The following MGAM variants were observed in gnomAD, a reference collection of about 807,000 sequenced individuals.
MGAM encodes the protein alpha-1,4-glucosidase.
Under a neutral mutation model 358.8 loss-of-function variants are expected in MGAM, and 253 were observed. That is an observed-to-expected ratio of 0.71 (90% CI 0.64 to 0.78). The LOEUF (loss-of-function observed/expected upper bound fraction) is 0.78, where lower values mean the gene tolerates loss of function less well. Among genes scored for constraint, MGAM ranks in the 30% least tolerant of loss-of-function variants. The pLI is 0.00. For missense variants in MGAM, 3,080 were observed against 3,432.6 expected, an observed-to-expected ratio of 0.90 and a Z score of 2.57; for synonymous variants, 1,105 against 1,227.1, an observed-to-expected ratio of 0.90 and a Z score of 2.08.
At chr7:142,092,228 A>G (rs1228719464) in intron 58 of MGAM, among the ~76,000 whole-genome samples, 181 bp downstream of exon 58, 4 of 146,062 alleles carry the variant, frequency 2.7e-5, no homozygotes, top group African/African-American at 9.7e-5. Context: ...CTTCTACCAG[A>G]CCTGACATTA....
rs748017236 is a variant in MGAM at position 142,074,043 on chromosome 7, G to A, written c.5187-42G>A. On this transcript the variant is annotated intron_variant, in intron 44 of 70. Transcript: ENST00000475668. ...TATTCTCAGCCCAGTTGGCAAAATT[G>A]TCTGACTCCTGTCTTTGTCTCTTGA... 2.2e-6 allele frequency: 3 copies of A among 1,379,564 alleles called. 1 individual carries two copies. The highest frequency in any genetic ancestry group is 3.1e-6 in the Non-Finnish European group (3 of 979,076). 85.5% of individuals were successfully genotyped at this position (1,379,564 alleles called of 1,614,324 possible).
intron 2 of MGAM, among the ~76,000 whole-genome samples, chr7:141,987,048 T>C (rs948990745): frequency 1.1e-4 from 17 of 152,094 alleles, no homozygotes; most frequent in Non-Finnish European, 2.2e-4. Flanking sequence ...TACTGGACAA[T>C]GGAGACGAAA....
chr7:142,058,165 T>C (rs1488824127), intron 30 of MGAM, 38 bp from the exon 31 acceptor site: 9 of 1,613,054 alleles, frequency 5.6e-6, no homozygotes, highest in Non-Finnish European at 7.6e-6. Flanking sequence ...ATGTGGTGCC[T>C]CTGTTCTGAA....
chr7:142,100,368 G>A (rs1816333749), intron 67 of MGAM, among the ~76,000 whole-genome samples: 1 of 152,014 alleles, frequency 6.6e-6, no homozygotes. Context: ...ACATCTCTCT[G>A]GTATCAATAC....
intron 8 of MGAM, among the ~76,000 whole-genome samples, chr7:142,026,233 G>T (rs1215029569): frequency 6.6e-6 from 1 of 152,028 alleles, no homozygotes; most frequent in African/African-American, 2.4e-5. Context: ...TGTTTGAGGT[G>T]AGATTCACTG....
At chr7:142,067,988 T>TATAAATATATATATATATATATA (rs1812988031) in intron 42 of MGAM, among the ~76,000 whole-genome samples, 1 of 11,202 alleles carries the variant, frequency 8.9e-5, no homozygotes, top group Non-Finnish European at 4.2e-4. Context: ...ATATATATAT[T>TATAAATATATATATATATATATA]TTTTTTTTTT....
intron 16 of MGAM, among the ~76,000 whole-genome samples, chr7:142,035,140 C>T (rs997915270): frequency 7.9e-5 from 12 of 152,072 alleles, no homozygotes; most frequent in African/African-American, 2.9e-4. Context: ...TGATGAATTT[C>T]ACCACCTGAA....
intron 3 of MGAM, among the ~76,000 whole-genome samples, chr7:142,011,564 A>G (rs1805600682): frequency 6.6e-6 from 1 of 152,146 alleles, no homozygotes; most frequent in African/African-American, 2.4e-5. Flanking sequence ...TTATTGAGTT[A>G]CTCAGTCCTG....
intron 6 of MGAM, 22 bp downstream of exon 6, chr7:142,021,759 A>G: frequency 6.2e-7 from 1 of 1,612,874 alleles, no homozygotes. Context: ...AAACCTATCT[A>G]AGGATCAGAG....
chr7:142,105,937 A>G lies in MGAM; in HGVS notation c.*46A>G, dbSNP rs918238561. ...ACTAACTATGAATGACTTTGAAACTACTTATACTTCATACTCATAAAAATT... is the reference window on the plus strand; with the variant it reads ...ACTAACTATGAATGACTTTGAAACTGCTTATACTTCATACTCATAAAAATT... On this transcript the variant is annotated 3_prime_UTR_variant, in exon 71 of 71. Transcript: ENST00000475668. The G allele has an allele frequency of 7.3e-7, 1 of 1,379,022 alleles. No homozygotes were observed. Among genetic ancestry groups the G allele is most frequent in the Non-Finnish European group, 1.0e-6 (1 of 967,664 alleles). 85.4% of individuals were successfully genotyped at this position (1,379,022 alleles called of 1,614,324 possible). A position where few individuals can be genotyped will look rare whatever the true frequency, so the allele number is the denominator to read the frequency against.
chr7:142,053,927 G>A (rs79387489), intron 26 of MGAM, among the ~76,000 whole-genome samples: 7,255 of 152,158 alleles, frequency 0.048, 348 homozygotes, highest in East Asian at 0.25. Context: ...CTTAACCATT[G>A]CCTACTCTAC....
intron 2 of MGAM, among the ~76,000 whole-genome samples, chr7:141,988,140 T>C (rs950003074): frequency 1.2e-4 from 18 of 151,550 alleles, no homozygotes; most frequent in African/African-American, 4.4e-4. Flanking sequence ...ATACAAAGAT[T>C]AGCCGGGCGT....
intron 57 of MGAM, among the ~76,000 whole-genome samples, chr7:142,091,250 C>CAAAAAAAAA (rs34993763): frequency 4.6e-5 from 4 of 86,766 alleles, no homozygotes; most frequent in African/African-American, 1.2e-4. Context: ...GACTCTGTCT[C>CAAAAAAAAA]AAAAAAAAAA....
At chr7:142,045,396 A>G (rs1307449197) in intron 21 of MGAM, among the ~76,000 whole-genome samples, 2 of 100,666 alleles carry the variant, frequency 2.0e-5, no homozygotes, top group African/African-American at 8.0e-5. Context: ...ATAATACATG[A>G]TATATTATAT....
At chr7:142,003,878 A>G (rs946691133) in intron 1 of MGAM, among the ~76,000 whole-genome samples, 1 of 152,100 alleles carries the variant, frequency 6.6e-6, no homozygotes, top group African/African-American at 2.4e-5. Context: ...AAGTGGGCAA[A>G]GGACATGAAC....
chr7:142,050,532 A>G (rs1018756358), intron 23 of MGAM, among the ~76,000 whole-genome samples, 165 bp from the exon 24 acceptor site: 6 of 152,128 alleles, frequency 3.9e-5, no homozygotes, highest in Admixed American at 3.9e-4. Context: ...AAATTAGAGG[A>G]TTATCCAAAT....
chr7:142,060,618 T>G (rs1231762444), intron 34 of MGAM, among the ~76,000 whole-genome samples: 1 of 152,264 alleles, frequency 6.6e-6, no homozygotes, highest in African/African-American at 2.4e-5. Context: ...AAATTATTTG[T>G]TCACAGTTTT....
intron 1 of MGAM, among the ~76,000 whole-genome samples, chr7:141,998,638 TG>T (rs1804474522): frequency 6.6e-6 from 1 of 152,378 alleles, no homozygotes; most frequent in African/African-American, 2.4e-5. Flanking sequence ...TGCCACATTT[TG>T]TTTATTCAGT....
rs1303193970 is a variant in MGAM at position 142,090,851 on chromosome 7, A to G, written c.6811-1062A>G. Among the ~76,000 whole-genome samples, 6 of 146,600 alleles carry G rather than the reference A, an allele frequency of 4.1e-5. 1 individual carries two copies. The highest frequency in any genetic ancestry group is 7.7e-5 in the Non-Finnish European group (5 of 64,786). On this transcript the variant is annotated intron_variant, in intron 57 of 70. Transcript: ENST00000475668. The stretch of plus-strand genomic sequence containing the variant: ...ACCCACCATTAAACAGTGAGTATAT[A>G]TTTTGTGTCAAGTTCTAAGCTAAGC...
Sources: gnomAD v4.1 joint callset for allele counts (sites outside exome capture counted in the v4.1 genomes callset) on GRCh38, gnomAD v4.1.1 for gene constraint, MANE v1.5 for transcripts, NCBI Gene and HGNC (gene_info 2026-07-23, HGNC 2026-07-21) for gene names.